PPM1L: variants seen among roughly 807,000 people sequenced by gnomAD.
PPM1L encodes the protein protein phosphatase 1L.
In PPM1L, 13 loss-of-function variants were observed where a neutral mutation model predicts 31.4. That is an observed-to-expected ratio of 0.41 (90% confidence interval 0.27 to 0.66). PPM1L has a LOEUF of 0.66. Ranked by LOEUF, PPM1L falls within the 30% of genes least tolerant of loss-of-function variation. The pLI is 0.29. For missense variants in PPM1L, 326 were observed against 453.7 expected (o/e 0.72, Z 2.56); for synonymous variants, 184 against 175.4 (o/e 1.05, Z -0.39).
intron 2 of PPM1L, among the ~76,000 whole-genome samples, chr3:160,965,659 T>G (rs1716117686): frequency 6.6e-6 from 1 of 152,134 alleles, no homozygotes; most frequent in Non-Finnish European, 1.5e-5. Flanking sequence ...GTAATCTCAT[T>G]CTAAGTCGAG....
At chr3:161,039,752 G>A (rs971967335) in intron 2 of PPM1L, among the ~76,000 whole-genome samples, 2 of 152,102 alleles carry the variant, frequency 1.3e-5, no homozygotes, top group African/African-American at 2.4e-5. Flanking sequence ...TCCTGACCTC[G>A]TGATCCGCCC....
At chr3:160,826,158 A>G (rs1713351214) in intron 1 of PPM1L, among the ~76,000 whole-genome samples, 1 of 152,114 alleles carries the variant, frequency 6.6e-6, no homozygotes, top group South Asian at 2.1e-4. Flanking sequence ...ATTTTCAGAC[A>G]CGACTTCTCT....
chr3:161,054,431 A>G (rs1041686296), intron 2 of PPM1L, among the ~76,000 whole-genome samples: 3 of 151,968 alleles, frequency 2.0e-5, no homozygotes, highest in Admixed American at 6.6e-5. Flanking sequence ...AGGGTTGCCC[A>G]TATGGTTGTG....
intron 1 of PPM1L, among the ~76,000 whole-genome samples, chr3:160,931,283 G>A (rs902201755): frequency 1.3e-5 from 2 of 152,148 alleles, no homozygotes. Context: ...TGACCATCCT[G>A]TACCACACCA....
In PPM1L at chr3:160,804,931, T is replaced by C. The variant is rs577005278; in HGVS notation, c.399+48224T>C. 1.1e-4 allele frequency among the ~76,000 whole-genome samples: 16 copies of C among 152,284 alleles called. No homozygotes were observed. The South Asian group carries it at 2.9e-3, about 28-fold the overall frequency. ...TGCCTCCTTCCTCACGTTTGGGAAA[T>C]TGACCTTGGGGAGGAGTTTGAGGTG... On this transcript the variant is annotated intron_variant, in intron 1 of 3. Transcript: ENST00000498165.
At chr3:160,911,628 A>G (rs1357771056) in intron 1 of PPM1L, among the ~76,000 whole-genome samples, 1 of 152,194 alleles carries the variant, frequency 6.6e-6, no homozygotes, top group African/African-American at 2.4e-5. Context: ...ATGCAATGAG[A>G]AAAACAAACC....
At chr3:160,937,648 A>G (rs1008317805) in intron 1 of PPM1L, among the ~76,000 whole-genome samples, 1 of 152,140 alleles carries the variant, frequency 6.6e-6, no homozygotes, top group Non-Finnish European at 1.5e-5. Context: ...AAAAACAAAC[A>G]AACAAAACAT....
At chr3:160,963,685 G>C (rs1214051780) in intron 2 of PPM1L, among the ~76,000 whole-genome samples, 1 of 151,958 alleles carries the variant, frequency 6.6e-6, no homozygotes, top group Non-Finnish European at 1.5e-5. Context: ...GTGGATGAAG[G>C]GGCACAAGTA....
intron 2 of PPM1L, among the ~76,000 whole-genome samples, chr3:161,032,222 G>C (rs1718589252): frequency 6.6e-6 from 1 of 152,100 alleles, no homozygotes; most frequent in African/African-American, 2.4e-5. Flanking sequence ...ATTCTGTTAG[G>C]GTTAGGTATT....
At chr3:160,781,867 A>G (rs1395461007) in intron 1 of PPM1L, among the ~76,000 whole-genome samples, 2 of 152,182 alleles carry the variant, frequency 1.3e-5, no homozygotes, top group Non-Finnish European at 2.9e-5. Flanking sequence ...AGCCGTACCT[A>G]TGTGTCTTGT....
chr3:160,767,948 G>A (rs1715148053), intron 1 of PPM1L, among the ~76,000 whole-genome samples: 1 of 152,008 alleles, frequency 6.6e-6, no homozygotes, highest in Non-Finnish European at 1.5e-5. Flanking sequence ...GATATTTTCT[G>A]GCCAAATAAG....
chr3:160,922,477 C>T (rs938158177), intron 1 of PPM1L, among the ~76,000 whole-genome samples: 11 of 152,096 alleles, frequency 7.2e-5, no homozygotes, highest in African/African-American at 1.9e-4. Flanking sequence ...TAAGTCCTCC[C>T]GATTACTCAT....
intron 1 of PPM1L, among the ~76,000 whole-genome samples, chr3:160,827,447 T>TTGTGTGTGTGTGTGTGTGTGTGTG (rs59524935): frequency 2.1e-5 from 3 of 141,358 alleles, no homozygotes; most frequent in Non-Finnish European, 4.6e-5. Flanking sequence ...TGATATAAGT[T>TTGTGTGTGTGTGTGTGTGTGTGTG]TGTGTGTGTG....
At chr3:160,774,929 T>C (rs375660180) in intron 1 of PPM1L, among the ~76,000 whole-genome samples, 15 of 152,248 alleles carry the variant, frequency 9.9e-5, no homozygotes, top group South Asian at 4.1e-4. Context: ...GTGATAATGA[T>C]ACCTTGCAAT....
At position 160,756,753 on chromosome 3, in the gene PPM1L, G is replaced by T. The variant is rs753565518; in HGVS notation, c.399+46G>T. 5.0e-6 allele frequency: 2 copies of T among 399,194 alleles called. No homozygotes were observed. Among genetic ancestry groups the T allele is most frequent in the Admixed American group, 8.7e-5 (1 of 11,432 alleles). 24.7% of individuals were successfully genotyped at this position (399,194 alleles called of 1,614,324 possible). A position where few individuals can be genotyped will look rare whatever the true frequency, so the allele number is the denominator to read the frequency against. ...TTGTATTTGTGTCCGTGTATGTCTC[G>T]TGTGTGTGTGTGTGTGTGTGTGTGT... On this transcript the variant is annotated intron_variant, in intron 1 of 3. Transcript: ENST00000498165. The surrounding 1 kb of genome is among the most constrained non-coding windows in gnomAD (Gnocchi z 6.2).
At chr3:160,960,872 GC>G (rs1715941935) in intron 1 of PPM1L, among the ~76,000 whole-genome samples, 1 of 152,096 alleles carries the variant, frequency 6.6e-6, no homozygotes, top group South Asian at 2.1e-4. Flanking sequence ...TACCACTGCA[GC>G]CTACCAGAAG....
At chr3:160,822,215 G>A (rs542349005) in intron 1 of PPM1L, among the ~76,000 whole-genome samples, 6 of 151,330 alleles carry the variant, frequency 4.0e-5, no homozygotes, top group South Asian at 4.2e-4. Flanking sequence ...TTCTAAAAGC[G>A]GACTTCTTGG....
chr3:161,015,775 G>A (rs998491801), intron 2 of PPM1L, among the ~76,000 whole-genome samples: 2 of 152,186 alleles, frequency 1.3e-5, no homozygotes, highest in African/African-American at 4.8e-5. Context: ...TGTGCAGGCA[G>A]CCTCTAAGCC....
intron 1 of PPM1L, among the ~76,000 whole-genome samples, chr3:160,801,759 C>A (rs971676608): frequency 1.1e-4 from 17 of 152,168 alleles, no homozygotes; most frequent in African/African-American, 4.1e-4. Context: ...TTTCCTCTCC[C>A]ACAGTGTCTC....
Sources: allele counts gnomAD v4.1 joint callset (sites outside exome capture counted in the v4.1 genomes callset), GRCh38; gene constraint gnomAD v4.1.1; non-coding constraint Gnocchi (gnomAD v3.1); transcripts MANE v1.5; gene names NCBI Gene and HGNC (gene_info 2026-07-23, HGNC 2026-07-21).